The following TEX9 variants were observed in gnomAD, a reference collection of about 807,000 sequenced individuals.
TEX9 encodes the protein testis expressed 9.
In TEX9, 74 loss-of-function variants were observed where a neutral mutation model predicts 59.6. That is an observed-to-expected ratio of 1.24 (90% CI 1.03 to 1.51). The LOEUF (loss-of-function observed/expected upper bound fraction) is 1.51. TEX9 is among the 40% of genes most tolerant of loss of function. The probability of loss-of-function intolerance (pLI) is 0.00; values close to 1 mark genes in which losing one functional copy is unlikely to be tolerated. For synonymous variants in TEX9, 186 were observed against 152.2 expected (o/e 1.22, Z -1.64); for missense variants, 522 against 447.8 (o/e 1.17, Z -1.49).
chr15:56,270,628 A>T (rs1352226092), intron 1 of TEX9, among the ~76,000 whole-genome samples: 3 of 152,160 alleles, frequency 2.0e-5, no homozygotes, highest in African/African-American at 7.2e-5. Flanking sequence ...CATTTAGCCT[A>T]TTTACATTTA....
intron 10 of TEX9, among the ~76,000 whole-genome samples, chr15:56,426,681 C>CTATT (rs1402729206): frequency 7.6e-6 from 1 of 132,314 alleles, no homozygotes; most frequent in African/African-American, 2.7e-5. Flanking sequence ...TTACACATTA[C>CTATT]TATTTCTTTT....
intron 1 of TEX9, among the ~76,000 whole-genome samples, chr15:56,313,156 G>T (rs2045666479): frequency 6.6e-6 from 1 of 151,574 alleles, no homozygotes. Flanking sequence ...CTGCCTAATT[G>T]CCCTGGCCAG....
intron 10 of TEX9, among the ~76,000 whole-genome samples, chr15:56,418,985 T>G (rs1257059498): frequency 3.3e-5 from 5 of 151,904 alleles, no homozygotes; most frequent in South Asian, 4.1e-4. Context: ...TATAGATCAG[T>G]TTTGGGAAAA....
chr15:56,398,443 A>G (rs1352754193), intron 9 of TEX9: 4 of 152,212 alleles, frequency 2.6e-5, no homozygotes, highest in Admixed American at 2.0e-4. Flanking sequence ...CTAAAGGGAA[A>G]AAGCTGTAGT....
At chr15:56,286,743 G>A (rs148951085) in intron 1 of TEX9, among the ~76,000 whole-genome samples, 108 of 152,296 alleles carry the variant, frequency 7.1e-4, no homozygotes, top group Non-Finnish European at 1.2e-3. Context: ...AAGTTGAAAT[G>A]TAGAAAAATA....
intron 1 of TEX9, among the ~76,000 whole-genome samples, chr15:56,269,596 A>G (rs1768127218): frequency 6.6e-6 from 1 of 150,728 alleles, no homozygotes; most frequent in Admixed American, 6.6e-5. Flanking sequence ...GTCATTCAGG[A>G]GCAGGTTGTT....
chr15:56,269,739 G>A (rs1217079664), intron 1 of TEX9, among the ~76,000 whole-genome samples: 1 of 148,304 alleles, frequency 6.7e-6, no homozygotes, highest in Non-Finnish European at 1.5e-5. Flanking sequence ...TGCAAGCTCT[G>A]CCTCCCAGGT....
At chr15:56,443,722 A>T in intron 12 of TEX9, 1 of 1,613,296 alleles carries the variant, frequency 6.2e-7, no homozygotes, top group Non-Finnish European at 8.5e-7. Flanking sequence ...GCATGTTAGC[A>T]AACTCTATGA....
At chr15:56,345,944 C>T (rs1342537900) in intron 1 of TEX9, among the ~76,000 whole-genome samples, 2 of 152,126 alleles carry the variant, frequency 1.3e-5, no homozygotes, top group African/African-American at 4.8e-5. Context: ...TGAAAGCGTT[C>T]ATAATACAAC....
intron 9 of TEX9, among the ~76,000 whole-genome samples, chr15:56,398,492 T>C (rs1330213077): frequency 2.0e-5 from 3 of 152,204 alleles, no homozygotes; most frequent in Non-Finnish European, 4.4e-5. Flanking sequence ...GTCATGACTT[T>C]ACCATTTACC....
intron 4 of TEX9, among the ~76,000 whole-genome samples, chr15:56,387,958 A>G (rs373995839): frequency 1.3e-5 from 2 of 152,166 alleles, no homozygotes; most frequent in South Asian, 2.1e-4. Context: ...CATGCACTCA[A>G]CAAATACTTA....
chr15:56,441,707 T>C (rs2140352159), intron 12 of TEX9, among the ~76,000 whole-genome samples: 1 of 152,078 alleles, frequency 6.6e-6, no homozygotes, highest in South Asian at 2.1e-4. Flanking sequence ...GTAAACAAAT[T>C]AACAACCCTA....
At chr15:56,389,695 G>GTT (rs36000868) in intron 6 of TEX9, among the ~76,000 whole-genome samples, 2 of 148,874 alleles carry the variant, frequency 1.3e-5, no homozygotes, top group African/African-American at 5.0e-5. Flanking sequence ...CTACAACTGG[G>GTT]TTTTTTTTTT....
Position 56,285,829 on chromosome 15 carries a change from C to G in TEX9, c.-107+41551C>G, listed in dbSNP as rs9652467. ...AAATTATAGGTAAAACCTCAGTATA[C>G]TTGGAGAGCAAACTAAATGACAAGG... On this transcript the variant is annotated intron_variant, in intron 1 of 5. Coordinates refer to the TEX9 transcript ENST00000560827. Among the ~76,000 whole-genome samples, 406 of 152,170 alleles carry G rather than the reference C, an allele frequency of 2.7e-3. 4 individuals carry two copies. Among genetic ancestry groups the G allele is most frequent in the African/African-American group, 9.3e-3 (387 of 41,536 alleles).
intron 1 of TEX9, among the ~76,000 whole-genome samples, chr15:56,323,932 A>C (rs563459693): frequency 4.2e-4 from 64 of 152,274 alleles, no homozygotes; most frequent in African/African-American, 1.5e-3. Context: ...TAAACTGTCC[A>C]GTGTCCTTTT....
intron 3 of TEX9, among the ~76,000 whole-genome samples, chr15:56,379,045 C>G (rs1001281733): frequency 7.7e-6 from 1 of 129,060 alleles, no homozygotes; most frequent in Non-Finnish European, 1.6e-5. Context: ...GCCTGGGCAA[C>G]AGAGTTTCTC....
At chr15:56,305,358 C>T (rs2045454441) in intron 1 of TEX9, among the ~76,000 whole-genome samples, 1 of 152,104 alleles carries the variant, frequency 6.6e-6, no homozygotes, top group African/African-American at 2.4e-5. Context: ...GGAGGAATCT[C>T]ATTACCAGAC....
chr15:56,434,111 C>G (rs368692163), intron 12 of TEX9: 2 of 1,598,960 alleles, frequency 1.3e-6, no homozygotes, highest in Admixed American at 1.7e-5. Flanking sequence ...TGATAATGAC[C>G]AAAAAAACCC....
intron 1 of TEX9, among the ~76,000 whole-genome samples, chr15:56,347,888 A>G (rs1370608817): frequency 6.6e-6 from 1 of 152,134 alleles, no homozygotes; most frequent in African/African-American, 2.4e-5. Flanking sequence ...AGTATATAGA[A>G]CATATAATGA....
Sources: gnomAD v4.1 joint callset for allele counts (sites outside exome capture counted in the v4.1 genomes callset) on GRCh38, gnomAD v4.1.1 for gene constraint, MANE v1.5 for transcripts, NCBI Gene and HGNC (gene_info 2026-07-23, HGNC 2026-07-21) for gene names.